The following EPHA7 variants were observed in gnomAD, a reference collection of about 807,000 sequenced individuals.
EPHA7 encodes the protein ephrin type-A receptor 7.
EPHA7 carries 25 observed loss-of-function variants against 112.6 expected under a neutral mutation model. That is an observed-to-expected ratio of 0.22 (90% CI 0.16 to 0.31). EPHA7 has a LOEUF of 0.31. Ranked by LOEUF, EPHA7 falls within the 10% of genes least tolerant of loss-of-function variation. The pLI is 1.00. For missense variants in EPHA7, 962 were observed against 1,212.6 expected, an observed-to-expected ratio of 0.79 and a Z score of 3.07; for synonymous variants, 437 against 406.5, an observed-to-expected ratio of 1.07 and a Z score of -0.90.
intron 3 of EPHA7, among the ~76,000 whole-genome samples, chr6:93,379,753 G>A (rs1401330707): frequency 6.6e-6 from 1 of 151,954 alleles, no homozygotes; most frequent in East Asian, 1.9e-4. Flanking sequence ...AAATTATAGT[G>A]ATGAGTCCAT....
At chr6:93,391,140 C>T (rs1368200557) in intron 3 of EPHA7, among the ~76,000 whole-genome samples, 2 of 151,836 alleles carry the variant, frequency 1.3e-5, no homozygotes, top group African/African-American at 2.4e-5. Flanking sequence ...TCCCTGTAGC[C>T]TTGTTATAAG....
chr6:93,339,722 C>T lies in EPHA7; in HGVS notation c.1324+16995G>A, dbSNP rs909571929. Among the ~76,000 whole-genome samples, 4 of 151,434 alleles carry T rather than the reference C, an allele frequency of 2.6e-5. No individual in the cohort carries two copies. The East Asian group carries it at 5.8e-4, about 22-fold the overall frequency. On this transcript the variant is annotated intron_variant, in intron 5 of 16. Coordinates refer to ENST00000369303, the MANE Select transcript of EPHA7 (RefSeq NM_004440.4). ...ATATAGAAAAATAATCCACTGGGCT[C>T]GATATATTTATTGACTATGTAAACA... is the stretch of plus-strand genomic sequence containing the variant.
intron 5 of EPHA7, among the ~76,000 whole-genome samples, chr6:93,310,861 A>C (rs1330766207): frequency 6.6e-6 from 1 of 152,148 alleles, no homozygotes; most frequent in Non-Finnish European, 1.5e-5. Context: ...ATCAGGTAGC[A>C]GCTGAAGGTT....
chr6:93,412,780 TC>T (rs1424420972), intron 2 of EPHA7, among the ~76,000 whole-genome samples: 1 of 152,034 alleles, frequency 6.6e-6, no homozygotes, highest in African/African-American at 2.4e-5. Context: ...ATAAATGTGC[TC>T]CTTTTTAACA....
At chr6:93,285,766 TCTCCAGCCAGCAAGAAATAA>T (rs1303939849) in intron 5 of EPHA7, among the ~76,000 whole-genome samples, 3 of 152,122 alleles carry the variant, frequency 2.0e-5, no homozygotes, top group African/African-American at 7.2e-5. Context: ...TCCTAAATAA[TCTCCAGCCAGCAAGAAATAA>T]CGAACTCAAA....
chr6:93,242,607 T>C lies in EPHA7; in HGVS notation c.*819A>G, dbSNP rs551642366. On this transcript the variant is annotated 3_prime_UTR_variant, in exon 17 of 17. Transcript: ENST00000369303. ...AAACCTAAACTTCGAGTTTATTAAA[T>C]TCTTTCTAGTAAAATCACTCTATAA... 1.0e-3 allele frequency: 222 copies of C among 215,798 alleles called. No individual in the cohort carries two copies. Among genetic ancestry groups the C allele is most frequent in the Non-Finnish European group, 1.3e-3 (139 of 106,700 alleles). The allele number at this position is 215,798 out of a possible 1,614,324, so 13.4% of individuals were successfully genotyped here.
chr6:93,322,526 A>C (rs924349444), intron 5 of EPHA7, among the ~76,000 whole-genome samples: 1 of 151,532 alleles, frequency 6.6e-6, no homozygotes, highest in Non-Finnish European at 1.5e-5. Flanking sequence ...TTCATTAATT[A>C]ATTTCTAAGT....
At chr6:93,335,937 G>A (rs1774846570) in intron 5 of EPHA7, among the ~76,000 whole-genome samples, 1 of 152,038 alleles carries the variant, frequency 6.6e-6, no homozygotes, top group Non-Finnish European at 1.5e-5. Flanking sequence ...CATGTATCCA[G>A]TATATGAGAG....
intron 7 of EPHA7, among the ~76,000 whole-genome samples, chr6:93,266,411 G>A (rs543820469): frequency 6.6e-6 from 1 of 151,736 alleles, no homozygotes; most frequent in South Asian, 2.1e-4. Flanking sequence ...GGTGAATGAT[G>A]AATCAGAATT....
chr6:93,369,216 ACT>A (rs1554186765), intron 3 of EPHA7, among the ~76,000 whole-genome samples: 9 of 137,530 alleles, frequency 6.5e-5, no homozygotes, highest in African/African-American at 2.4e-4. Context: ...ACACACACAC[ACT>A]TGCAAGATAC....
chr6:93,298,390 A>T (rs1265021257), intron 5 of EPHA7, among the ~76,000 whole-genome samples: 1 of 152,146 alleles, frequency 6.6e-6, no homozygotes, highest in Non-Finnish European at 1.5e-5. Context: ...GCTTTCAAAC[A>T]TCATATCAGA....
At chr6:93,369,128 T>TA (rs562853511) in intron 3 of EPHA7, among the ~76,000 whole-genome samples, 23 of 146,426 alleles carry the variant, frequency 1.6e-4, no homozygotes, top group African/African-American at 3.3e-4. Flanking sequence ...CTTTCTTTTT[T>TA]AAAAAAAAGA....
At chr6:93,357,676 G>A (rs1222791084) in intron 4 of EPHA7, among the ~76,000 whole-genome samples, 1 of 144,466 alleles carries the variant, frequency 6.9e-6, no homozygotes, top group Non-Finnish European at 1.5e-5. Flanking sequence ...TTTTTGAGAC[G>A]AGGTTTCATT....
rs533685611 is a variant in EPHA7 at position 93,371,336 on chromosome 6, C to T, written c.833-12925G>A. Among the ~76,000 whole-genome samples the T allele has an allele frequency of 1.3e-4, 20 of 152,064 alleles. No homozygotes were observed. In the South Asian group the frequency reaches 4.2e-3, roughly 32 times the overall value. ...ACAACACAATATAACAACTACATGC[C>T]TAGAATTTACACTGTATTAGATATT... On this transcript the variant is annotated intron_variant, in intron 3 of 16. Coordinates refer to ENST00000369303, the MANE Select transcript of EPHA7 (RefSeq NM_004440.4).
chr6:93,366,798 A>G (rs1776536520), intron 3 of EPHA7, among the ~76,000 whole-genome samples: 1 of 152,208 alleles, frequency 6.6e-6, no homozygotes, highest in African/African-American at 2.4e-5. Context: ...ATCCAGAAAT[A>G]GAATTTTTAA....
rs182388654 is a variant in EPHA7, at chr6:93,338,802, T to C, written c.1324+17915A>G. ...TACTATCTAACCTCAAAACATGATA[T>C]AAATTGAGTGCAATGATGGAAGAGG... On this transcript the variant is annotated intron_variant, in intron 5 of 16. Transcript: ENST00000369303. Among the ~76,000 whole-genome samples, 11 of 151,516 alleles carry C rather than the reference T, an allele frequency of 7.3e-5. No individual in the cohort carries two copies. The East Asian group carries it at 1.2e-3, about 16-fold the overall frequency.
At chr6:93,394,855 C>A (rs1340803706) in intron 3 of EPHA7, among the ~76,000 whole-genome samples, 1 of 151,802 alleles carries the variant, frequency 6.6e-6, no homozygotes, top group Non-Finnish European at 1.5e-5. Flanking sequence ...TTTAACCTAT[C>A]TTTTCCCCAA....
rs181482414 is a variant in EPHA7, at chr6:93,257,997, G to A, written c.2110+102C>T. 1.5e-3 allele frequency: 1,645 copies of A among 1,122,104 alleles called. 2 individuals carry two copies. The highest frequency in any genetic ancestry group is 1.9e-3 in the Non-Finnish European group (1,509 of 786,548). The allele number at this position is 1,122,104 out of a possible 1,614,324, so 69.5% of individuals were successfully genotyped here. On this transcript the variant is annotated intron_variant, in intron 11 of 16. Transcript: ENST00000369303. The stretch of plus-strand genomic sequence containing the variant: ...CATACCAAGAAAACACATTCATTTA[G>A]ACTGTGCAACATATTTCATAATTTG...
At chr6:93,382,199 G>C (rs896938965) in intron 3 of EPHA7, among the ~76,000 whole-genome samples, 4 of 152,130 alleles carry the variant, frequency 2.6e-5, no homozygotes, top group African/African-American at 9.7e-5. Context: ...GACTGGTTTT[G>C]CGGAAGACAA....
Sources: gnomAD v4.1 joint callset for allele counts (sites outside exome capture counted in the v4.1 genomes callset) on GRCh38, gnomAD v4.1.1 for gene constraint, MANE v1.5 for transcripts, NCBI Gene and HGNC (gene_info 2026-07-23, HGNC 2026-07-21) for gene names.